The following ANKS1B variants were observed in gnomAD, a reference collection of about 807,000 sequenced individuals.
The protein encoded by ANKS1B is ankyrin repeat and sterile alpha motif domain containing 1B, also known as ankyrin repeat and sterile alpha motif domain-containing protein 1B.
A neutral mutation model predicts 148.3 loss-of-function variants in ANKS1B; 36 were observed. That is an observed-to-expected ratio of 0.24 (90% CI 0.19 to 0.32). The LOEUF (loss-of-function observed/expected upper bound fraction) is 0.32. ANKS1B is among the 10% of genes least tolerant of loss of function. The pLI is 1.00. For missense variants in ANKS1B, 1,157 were observed against 1,542.6 expected (o/e 0.75, Z 4.19); for synonymous variants, 542 against 560.8 (o/e 0.97, Z 0.47).
chr12:99,909,217 C>CGTGTGTGTGTGTGTGT (rs60264932), intron 1 of ANKS1B, among the ~76,000 whole-genome samples: 3 of 137,314 alleles, frequency 2.2e-5, no homozygotes, highest in African/African-American at 8.2e-5. Flanking sequence ...AATATTCCAT[C>CGTGTGTGTGTGTGTGT]GTGTGTGTGT....
chr12:99,425,773 G>C (rs1300259483), intron 11 of ANKS1B, among the ~76,000 whole-genome samples: 3 of 151,676 alleles, frequency 2.0e-5, no homozygotes, highest in African/African-American at 7.3e-5. Flanking sequence ...GGATGTGTTA[G>C]TCTTCTTTGT....
At chr12:99,316,030 A>G (rs1289855429) in intron 12 of ANKS1B, among the ~76,000 whole-genome samples, 1 of 152,206 alleles carries the variant, frequency 6.6e-6, no homozygotes, top group Non-Finnish European at 1.5e-5. Flanking sequence ...ACAGTATTCC[A>G]TGGTGTATAT....
intron 8 of ANKS1B, among the ~76,000 whole-genome samples, chr12:99,766,113 A>G (rs1198063905): frequency 6.6e-6 from 1 of 152,210 alleles, no homozygotes; most frequent in East Asian, 1.9e-4. Flanking sequence ...TGCAATGATA[A>G]TGGTTCATTT....
chr12:99,867,020 A>G (rs1043387885), intron 1 of ANKS1B, among the ~76,000 whole-genome samples: 2 of 152,170 alleles, frequency 1.3e-5, no homozygotes, highest in South Asian at 2.1e-4. Flanking sequence ...CTGACATCCC[A>G]ACTTAAATCA....
At chr12:99,230,230 T>C (rs2086616649) in intron 14 of ANKS1B, among the ~76,000 whole-genome samples, 1 of 152,062 alleles carries the variant, frequency 6.6e-6, no homozygotes, top group African/African-American at 2.4e-5. Flanking sequence ...CAAACCTAGG[T>C]GACATACTTT....
intron 17 of ANKS1B, among the ~76,000 whole-genome samples, chr12:98,887,533 C>G (rs569713767): frequency 6.6e-6 from 1 of 152,244 alleles, no homozygotes; most frequent in African/African-American, 2.4e-5. Flanking sequence ...ATAATAACTC[C>G]CATAATAAGG....
At chr12:99,852,115 C>T (rs1246163332) in intron 1 of ANKS1B, among the ~76,000 whole-genome samples, 1 of 152,082 alleles carries the variant, frequency 6.6e-6, no homozygotes, top group Non-Finnish European at 1.5e-5. Flanking sequence ...AATTAATGGT[C>T]AAAGGTACAA....
At chr12:99,169,924 A>T (rs1157967578) in intron 14 of ANKS1B, among the ~76,000 whole-genome samples, 1 of 152,094 alleles carries the variant, frequency 6.6e-6, no homozygotes, top group African/African-American at 2.4e-5. Context: ...AGGATGGGAA[A>T]CTTGTCCTTT....
chr12:99,831,773 A>T (rs966057496), intron 1 of ANKS1B, among the ~76,000 whole-genome samples: 1 of 152,006 alleles, frequency 6.6e-6, no homozygotes, highest in Non-Finnish European at 1.5e-5. Context: ...CTACCAACAG[A>T]GTAGCCAGGG....
chr12:98,963,050 G>A (rs2099874503), intron 17 of ANKS1B, among the ~76,000 whole-genome samples: 1 of 151,778 alleles, frequency 6.6e-6, no homozygotes, highest in African/African-American at 2.4e-5. Context: ...AGAAGCAAGA[G>A]CAAACCAAAC....
At chr12:99,336,581 G>T (rs746412774) in intron 12 of ANKS1B, among the ~76,000 whole-genome samples, 7 of 151,752 alleles carry the variant, frequency 4.6e-5, no homozygotes, top group Non-Finnish European at 1.0e-4. Context: ...CATTCTTCTC[G>T]TATGGATATC....
intron 8 of ANKS1B, among the ~76,000 whole-genome samples, chr12:99,668,058 G>C (rs2098518193): frequency 6.6e-6 from 1 of 152,074 alleles, no homozygotes; most frequent in Non-Finnish European, 1.5e-5. Flanking sequence ...AATAAATTGG[G>C]AACAACCCTT....
At chr12:99,652,472 G>GA (rs895776490) in intron 9 of ANKS1B, among the ~76,000 whole-genome samples, 9 of 147,570 alleles carry the variant, frequency 6.1e-5, no homozygotes, top group Admixed American at 2.0e-4. Flanking sequence ...GACTCCATCT[G>GA]AAAAAAAAAG....
chr12:98,861,371 A>G (rs1303459633), intron 17 of ANKS1B, among the ~76,000 whole-genome samples: 1 of 152,184 alleles, frequency 6.6e-6, no homozygotes, highest in Non-Finnish European at 1.5e-5. Flanking sequence ...GAAAAAAACA[A>G]AAGAAGGAAG....
intron 1 of ANKS1B, among the ~76,000 whole-genome samples, chr12:99,930,008 A>G (rs2094572532): frequency 6.6e-6 from 1 of 152,162 alleles, no homozygotes; most frequent in African/African-American, 2.4e-5. Flanking sequence ...CATGAACTTT[A>G]AAGTAGTTTT....
intron 15 of ANKS1B, among the ~76,000 whole-genome samples, chr12:99,118,576 A>G (rs1324509329): frequency 6.6e-6 from 1 of 152,202 alleles, no homozygotes. Flanking sequence ...TATTCCATTT[A>G]CCAAACTAAA....
chr12:99,951,133 T>C (rs1055092689), intron 1 of ANKS1B, among the ~76,000 whole-genome samples: 2 of 152,234 alleles, frequency 1.3e-5, no homozygotes, highest in Non-Finnish European at 2.9e-5. Flanking sequence ...TCCATCTCTA[T>C]GTGACTTGTG....
intron 17 of ANKS1B, among the ~76,000 whole-genome samples, chr12:98,920,519 G>A (rs914292468): frequency 1.3e-5 from 2 of 152,202 alleles, no homozygotes; most frequent in African/African-American, 4.8e-5. Flanking sequence ...CAGGCAAAGA[G>A]AGAGCTTGTG....
intron 1 of ANKS1B, among the ~76,000 whole-genome samples, chr12:99,967,117 T>C (rs1441270216): frequency 6.6e-6 from 1 of 152,184 alleles, no homozygotes; most frequent in Non-Finnish European, 1.5e-5. Context: ...AAGATACTCA[T>C]GAAATATATA....
Sources: gnomAD v4.1 joint callset for allele counts (sites outside exome capture counted in the v4.1 genomes callset) on GRCh38, gnomAD v4.1.1 for gene constraint, MANE v1.5 for transcripts, NCBI Gene and HGNC (gene_info 2026-07-23, HGNC 2026-07-21) for gene names.